PMFBP1: variants seen among roughly 807,000 people sequenced by gnomAD.
The protein encoded by PMFBP1 is polyamine-modulated factor 1-binding protein 1.
In PMFBP1, 131 loss-of-function variants were observed where a neutral mutation model predicts 137.8. That is an observed-to-expected ratio of 0.95 (90% CI 0.82 to 1.10). The LOEUF is 1.10. PMFBP1 is among the 50% of genes least tolerant of loss of function. The pLI, the probability that PMFBP1 is intolerant of heterozygous loss-of-function variation, is 0.00. For missense variants in PMFBP1, 1,199 were observed against 1,175.4 expected (o/e 1.02, Z -0.29); for synonymous variants, 490 against 450.4 (o/e 1.09, Z -1.11).
At chr16:72,135,682 T>G (rs1402116437) in intron 9 of PMFBP1, among the ~76,000 whole-genome samples, 1 of 151,558 alleles carries the variant, frequency 6.6e-6, no homozygotes, top group Non-Finnish European at 1.5e-5. Context: ...AGGGCACAGC[T>G]CCATTAATAT....
At chr16:72,187,370 C>G in the PMFBP1 span, among the ~76,000 whole-genome samples, 10 of 152,114 alleles carry the variant, frequency 6.6e-5, no homozygotes, top group African/African-American at 2.2e-4. Context: ...CTAGTCAAGT[C>G]ATAGGGATGG....
chr16:72,236,320 C>G, the PMFBP1 span, among the ~76,000 whole-genome samples: 1 of 152,080 alleles, frequency 6.6e-6, no homozygotes, highest in East Asian at 1.9e-4. Context: ...AACTTGTAAA[C>G]TTAAGTGAAG....
At chr16:72,245,667 T>C in the PMFBP1 span, among the ~76,000 whole-genome samples, 1 of 152,144 alleles carries the variant, frequency 6.6e-6, no homozygotes, top group African/African-American at 2.4e-5. Flanking sequence ...TCCAGCCAAA[T>C]TTTCTCCCAG....
Position 72,122,940 on chromosome 16 carries a change from G to T in PMFBP1, c.2742C>A (p.Tyr914Ter), listed in dbSNP as rs1485859605. 8 of 1,613,536 alleles carry T rather than the reference G, an allele frequency of 5.0e-6. No homozygotes were observed. In the South Asian group the frequency reaches 8.8e-5, roughly 18 times the overall value. The stretch of plus-strand genomic sequence containing the variant: ...CCTTTTCGCCACTCAGCTTGGCAAT[G>T]TATTTCACCTGCTCTCGGAGCTGGT... ...LGNQLREQVK[Y>*]IAKLSGEKDH... Residue 914 changes from tyrosine (Y) to a stop codon, truncating the protein, a stop_gained, in exon 19 of 21, where the codon TAC becomes TAA. Transcript: ENST00000237353. LOFTEE classifies it high-confidence loss of function.
At chr16:72,126,397 T>C (rs905043147) in intron 14 of PMFBP1, among the ~76,000 whole-genome samples, 2 of 152,248 alleles carry the variant, frequency 1.3e-5, no homozygotes, top group African/African-American at 2.4e-5. Flanking sequence ...GGGCATGATA[T>C]GCCAAGTACA....
chr16:72,165,027 A>G, intron 2 of PMFBP1, 111 bp from the exon 3 acceptor site: 1 of 1,180,332 alleles, frequency 8.5e-7, no homozygotes, highest in Non-Finnish European at 1.2e-6. Flanking sequence ...TTTGTCCATC[A>G]ACCATTAGCT....
intron 5 of PMFBP1, 101 bp from the exon 6 acceptor site, chr16:72,140,683 A>C: frequency 2.0e-6 from 2 of 1,022,790 alleles, no homozygotes; most frequent in Non-Finnish European, 2.9e-6. Context: ...TTCTAAAGGT[A>C]TATGTTCATA....
chr16:72,246,904 T>C, the PMFBP1 span, among the ~76,000 whole-genome samples: 1 of 152,146 alleles, frequency 6.6e-6, no homozygotes, highest in Non-Finnish European at 1.5e-5. Context: ...AGTATAGAAA[T>C]AAAAAGTTTT....
At chr16:72,121,658 T>G (rs1053816098) in intron 19 of PMFBP1, among the ~76,000 whole-genome samples, 2 of 152,212 alleles carry the variant, frequency 1.3e-5, no homozygotes, top group Non-Finnish European at 2.9e-5. Context: ...AGGGTCTCAT[T>G]CTGTCACCCA....
chr16:72,169,611 A>G (rs2043192429), intron 2 of PMFBP1, among the ~76,000 whole-genome samples: 1 of 152,206 alleles, frequency 6.6e-6, no homozygotes, highest in Admixed American at 6.5e-5. Context: ...GTATCCCAGA[A>G]CTTAAAGTAT....
At chr16:72,129,000 G>A (rs902636732) in intron 13 of PMFBP1, 66 bp downstream of exon 13, 1 of 1,562,210 alleles carries the variant, frequency 6.4e-7, no homozygotes, top group African/African-American at 1.4e-5. Context: ...CATCCCTGGA[G>A]GCCCAGGTGG....
chr16:72,123,526 CT>C lies in PMFBP1; in HGVS notation c.2693+19del. 6.2e-7 allele frequency: 1 copy of C among 1,611,478 alleles called. No homozygotes were observed. Among genetic ancestry groups the C allele is most frequent in the Non-Finnish European group, 8.5e-7 (1 of 1,178,056 alleles). ...AGTCCAGGCCTCGGACCCTGCCTCC[CT>C]TTTTCCTCCCATACTCACTTCTGCT... On this transcript the variant is annotated intron_variant, in intron 18 of 20. Coordinates refer to ENST00000237353, the MANE Select transcript of PMFBP1 (RefSeq NM_031293.3).
rs369947635 is a variant in PMFBP1, at chr16:72,128,724, G to A, written c.2021C>T (p.Thr674Ile). 2.6e-5 allele frequency: 42 copies of A among 1,614,014 alleles called. No individual in the cohort carries two copies. Among genetic ancestry groups the A allele is most frequent in the Non-Finnish European group, 3.5e-5 (41 of 1,180,018 alleles). ...NLRAELQCCS[T>I]QLESSLNKYN... ...TTTGTTGAGAGAGGATTCCAGTTGT[G>A]TAGAACAACACTGTAGCTCTGCTCG... The change falls in exon 14 of 21, where the codon ACA (threonine) becomes ATA (isoleucine). Residue 674 changes from threonine to isoleucine, a missense_variant. Physicochemically the swap from Thr to Ile is moderately conservative, Grantham distance 89. Transcript: ENST00000237353.
At chr16:72,205,846 T>G in the PMFBP1 span, among the ~76,000 whole-genome samples, 1 of 152,154 alleles carries the variant, frequency 6.6e-6, no homozygotes, top group African/African-American at 2.4e-5. Flanking sequence ...TGGCATAACC[T>G]AAGCAGGTAC....
At chr16:72,248,992 G>A in the PMFBP1 span, among the ~76,000 whole-genome samples, 1 of 151,910 alleles carries the variant, frequency 6.6e-6, no homozygotes, top group Non-Finnish European at 1.5e-5. Context: ...GTAGTATCTT[G>A]CTAACAGAGC....
At chr16:72,147,543 G>C (rs1056517804) in intron 5 of PMFBP1, among the ~76,000 whole-genome samples, 8 of 152,250 alleles carry the variant, frequency 5.3e-5, no homozygotes, top group African/African-American at 1.7e-4. Context: ...TTAAACTAAA[G>C]AGCTTCTGCA....
chr16:72,119,869 C>T lies in PMFBP1; in HGVS notation c.2989G>A (p.Gly997Arg), dbSNP rs773832160. Residue 997 changes from glycine to arginine, a missense_variant, in exon 20 of 21, where the codon GGG becomes AGG. Physicochemically the swap from Gly to Arg is moderately radical, Grantham distance 125. Coordinates refer to ENST00000237353, the MANE Select transcript of PMFBP1 (RefSeq NM_031293.3). ...GACGTACCCGGGCAGTGGGGCATCC[C>T]GATGTACTTGGTGAGGTCCATTCTT... ...GQRMDLTKYI[G>R]MPHCPGSSYC is the part of the protein sequence containing the mutation. 61 of 1,614,002 alleles carry T rather than the reference C, an allele frequency of 3.8e-5. No homozygotes were observed. Among genetic ancestry groups the T allele is most frequent in the South Asian group, 1.1e-4 (10 of 91,072 alleles).
chr16:72,216,750 G>T, the PMFBP1 span, among the ~76,000 whole-genome samples: 4 of 152,316 alleles, frequency 2.6e-5, no homozygotes, highest in East Asian at 7.7e-4. Context: ...AAGGCCCAGA[G>T]AAACAAGCAG....
chr16:72,161,313 G>A (rs1220289914), intron 3 of PMFBP1, among the ~76,000 whole-genome samples: 2 of 151,814 alleles, frequency 1.3e-5, no homozygotes, highest in Admixed American at 6.6e-5. Context: ...GGCCAGGCTG[G>A]TGTCAAACTC....
Sources: gnomAD v4.1 joint callset for allele counts (sites outside exome capture counted in the v4.1 genomes callset) on GRCh38, gnomAD v4.1.1 for gene constraint, MANE v1.5 for transcripts, NCBI Gene and HGNC (gene_info 2026-07-23, HGNC 2026-07-21) for gene names.